TMC2: variants seen among roughly 807,000 people sequenced by gnomAD.
TMC2 encodes transmembrane channel like 2.
In TMC2, 102 loss-of-function variants were observed where a neutral mutation model predicts 105.9. That is an observed-to-expected ratio of 0.96 (90% CI 0.82 to 1.14). The LOEUF is 1.14. TMC2 is among the 50% of genes most tolerant of loss of function. The pLI is 0.00. For missense variants in TMC2, 1,093 were observed against 1,134.3 expected (o/e 0.96, Z 0.52); for synonymous variants, 402 against 422.8 (o/e 0.95, Z 0.60).
At chr20:2,579,303 C>T (rs2086170240) in intron 6 of TMC2, 76 bp downstream of exon 6, 2 of 842,002 alleles carry the variant, frequency 2.4e-6, no homozygotes, top group South Asian at 1.5e-5. Context: ...GTTTCCTTGG[C>T]CCTCTGAATA....
intron 2 of TMC2, among the ~76,000 whole-genome samples, chr20:2,550,855 T>G (rs1600096861): frequency 6.6e-6 from 1 of 152,250 alleles, no homozygotes; most frequent in African/African-American, 2.4e-5. Context: ...ATTGTATTTA[T>G]TACCGCAGTT....
chr20:2,605,766 G>C (rs764428845), intron 11 of TMC2, among the ~76,000 whole-genome samples: 5 of 152,184 alleles, frequency 3.3e-5, no homozygotes, highest in Non-Finnish European at 7.3e-5. Context: ...CCTCTCCCAG[G>C]AGTTAAGGCA....
intron 2 of TMC2, among the ~76,000 whole-genome samples, chr20:2,547,497 TC>T (rs978613804): frequency 5.3e-5 from 8 of 152,142 alleles, no homozygotes; most frequent in Admixed American, 2.0e-4. Context: ...TTGACAAGCT[TC>T]CCCCAAAACC....
intron 14 of TMC2, 62 bp downstream of exon 14, chr20:2,613,384 A>G (rs757314364): frequency 1.9e-6 from 3 of 1,606,582 alleles, no homozygotes; most frequent in Admixed American, 1.7e-5. Flanking sequence ...TTTGATACTT[A>G]TAGCCAGATG....
intron 16 of TMC2, among the ~76,000 whole-genome samples, chr20:2,621,842 C>G (rs558380974): frequency 4.6e-5 from 7 of 152,162 alleles, no homozygotes; most frequent in Non-Finnish European, 1.0e-4. Context: ...TTTCAGACTT[C>G]TGGCCTCCAG....
chr20:2,630,920 T>C (rs2086598317), intron 17 of TMC2, among the ~76,000 whole-genome samples: 2 of 152,232 alleles, frequency 1.3e-5, no homozygotes, highest in African/African-American at 4.8e-5. Context: ...GCTTTTTATA[T>C]GGAGTGTTTG....
At chr20:2,599,332 T>C (rs532245100) in intron 10 of TMC2, among the ~76,000 whole-genome samples, 21 of 149,868 alleles carry the variant, frequency 1.4e-4, no homozygotes, top group Non-Finnish European at 2.4e-4. Flanking sequence ...ATCAACCCTA[T>C]GTTTCTTTCA....
In TMC2 at chr20:2,617,253, C is replaced by T. The variant is rs1266622617; in HGVS notation, c.2122C>T (p.Leu708=). Residue 708 remains leucine, a synonymous_variant, in exon 16 of 20, where the codon CTG becomes TTG. Transcript: ENST00000358864. ...GCTGCTGGTGCTCTTCCTCAGCCTC[C>T]TGCCGGTGGCCTACACCATCATGTC... The part of the protein sequence containing the change: ...LLLLVLFLSL[L]PVAYTIMSLP... The T allele has an allele frequency of 6.2e-7, 1 of 1,614,110 alleles. No individual in the cohort carries two copies. Among genetic ancestry groups the T allele is most frequent in the Non-Finnish European group, 8.5e-7 (1 of 1,180,058 alleles).
At chr20:2,634,284 T>G (rs2086626406) in intron 17 of TMC2, among the ~76,000 whole-genome samples, 1 of 152,148 alleles carries the variant, frequency 6.6e-6, no homozygotes, top group South Asian at 2.1e-4. Flanking sequence ...CAGCACCCTC[T>G]CTGGTAGCTT....
At chr20:2,561,489 A>G (rs1005086697) in intron 3 of TMC2, among the ~76,000 whole-genome samples, 11 of 152,232 alleles carry the variant, frequency 7.2e-5, no homozygotes, top group African/African-American at 2.7e-4. Context: ...TCCAGTTTTT[A>G]ATATATTTGA....
intron 10 of TMC2, among the ~76,000 whole-genome samples, chr20:2,598,325 G>A (rs2086323947): frequency 1.3e-5 from 2 of 152,202 alleles, no homozygotes; most frequent in Admixed American, 6.5e-5. Context: ...CACAGGGGCT[G>A]AGGTGGGCAA....
chr20:2,628,810 C>T (rs2086582036), intron 17 of TMC2, among the ~76,000 whole-genome samples: 1 of 151,832 alleles, frequency 6.6e-6, no homozygotes, highest in African/African-American at 2.4e-5. Context: ...AGTATGAAAA[C>T]AGGCTAATAA....
At chr20:2,591,812 T>C (rs1451797785) in intron 7 of TMC2, among the ~76,000 whole-genome samples, 4 of 152,166 alleles carry the variant, frequency 2.6e-5, no homozygotes, top group African/African-American at 4.8e-5. Context: ...TTTTTTACAA[T>C]GAGTGTGTGT....
chr20:2,539,044 T>C (rs2085870917), intron 2 of TMC2, among the ~76,000 whole-genome samples: 1 of 152,218 alleles, frequency 6.6e-6, no homozygotes, highest in South Asian at 2.1e-4. Flanking sequence ...TGCACTGAAC[T>C]GTTGAGATCA....
At chr20:2,601,709 G>A (rs1360094576) in intron 10 of TMC2, among the ~76,000 whole-genome samples, 1 of 151,822 alleles carries the variant, frequency 6.6e-6, no homozygotes, top group Non-Finnish European at 1.5e-5. Context: ...GCGTGGTGGT[G>A]CATGCCTGTA....
At chr20:2,631,049 G>T (rs1248855045) in intron 17 of TMC2, among the ~76,000 whole-genome samples, 2 of 151,702 alleles carry the variant, frequency 1.3e-5, no homozygotes, top group African/African-American at 2.4e-5. Context: ...AAATATTTTA[G>T]TACATAATTT....
intron 14 of TMC2, chr20:2,613,568 G>T: frequency 2.1e-6 from 1 of 468,028 alleles, no homozygotes; most frequent in Non-Finnish European, 3.9e-6. Flanking sequence ...GGAGGCATTT[G>T]GCCTAGGGGA....
intron 16 of TMC2, 76 bp from the exon 17 acceptor site, chr20:2,624,195 A>G (rs2146257397): frequency 2.7e-6 from 4 of 1,497,146 alleles, no homozygotes; most frequent in Non-Finnish European, 3.6e-6. Context: ...GGACCTGGGT[A>G]GGGGGGCCAT....
intron 7 of TMC2, among the ~76,000 whole-genome samples, chr20:2,590,303 G>C (rs1044595387): frequency 6.6e-6 from 1 of 152,028 alleles, no homozygotes; most frequent in Non-Finnish European, 1.5e-5. Flanking sequence ...GATGCAAGAG[G>C]GATATAATTC....
Sources: allele counts gnomAD v4.1 joint callset (sites outside exome capture counted in the v4.1 genomes callset), GRCh38; gene constraint gnomAD v4.1.1; transcripts MANE v1.5; gene names NCBI Gene and HGNC (gene_info 2026-07-23, HGNC 2026-07-21).